Variants in DRC1 observed in about 807,000 individuals in gnomAD.
DRC1 encodes dynein regulatory complex subunit 1.
A neutral mutation model predicts 98.7 loss-of-function variants in DRC1; 74 were observed. That is an observed-to-expected ratio of 0.75 (90% CI 0.62 to 0.91). The LOEUF (loss-of-function observed/expected upper bound fraction) is 0.91, where lower values mean the gene tolerates loss of function less well. Ranked by LOEUF, DRC1 falls within the 40% of genes least tolerant of loss-of-function variation. DRC1 has a pLI of 0.00. For synonymous variants in DRC1, 336 were observed against 334.1 expected (o/e 1.01, Z -0.06); for missense variants, 875 against 886.0 (o/e 0.99, Z 0.16).
At chr2:26,408,397 G>A (rs1678490678) in intron 1 of DRC1, among the ~76,000 whole-genome samples, 1 of 152,120 alleles carries the variant, frequency 6.6e-6, no homozygotes, top group African/African-American at 2.4e-5. Flanking sequence ...TGGAATGGTG[G>A]CACTTCAGCC....
chr2:26,448,577 C>G, intron 10 of DRC1, 114 bp from the exon 11 acceptor site: 1 of 1,091,280 alleles, frequency 9.2e-7, no homozygotes. Flanking sequence ...CTCACAGAGG[C>G]TTTTTAAGAG....
intron 7 of DRC1, among the ~76,000 whole-genome samples, chr2:26,436,549 G>A (rs1215339450): frequency 6.6e-6 from 1 of 152,158 alleles, no homozygotes; most frequent in African/African-American, 2.4e-5. Context: ...CTGGCCTCAA[G>A]CAATCCTCCC....
At chr2:26,407,421 T>A (rs1420339522) in intron 1 of DRC1, among the ~76,000 whole-genome samples, 2 of 152,144 alleles carry the variant, frequency 1.3e-5, no homozygotes. Flanking sequence ...ACTGATGGCA[T>A]ATCATATTCA....
At chr2:26,455,107 T>A in intron 15 of DRC1, 24 bp from the exon 16 acceptor site, 1 of 1,613,222 alleles carries the variant, frequency 6.2e-7, no homozygotes, top group Non-Finnish European at 8.5e-7. Context: ...TCAGTGAGCC[T>A]CTAACCGATT....
At chr2:26,447,084 T>C (rs1191051620) in intron 10 of DRC1, among the ~76,000 whole-genome samples, 2 of 149,512 alleles carry the variant, frequency 1.3e-5, no homozygotes, top group Non-Finnish European at 3.0e-5. Flanking sequence ...AGTGAGCCTC[T>C]TTCTCAAAAA....
Position 26,402,083 on chromosome 2 carries a change from T to C in DRC1, c.94T>C (p.Ser32Pro), listed in dbSNP as rs751788344. The change falls in exon 1 of 17, where the codon TCT becomes CCT. Residue 32 changes from serine (S) to proline (P), a missense_variant. Coordinates refer to ENST00000288710, the MANE Select transcript of DRC1 (RefSeq NM_145038.5). ...CGCGCCCTCGGTCCACTCCGACAACTCTCAGGAGCGCATCCAGGCCCGGCG... is the reference window on the plus strand; with the variant it reads ...CGCGCCCTCGGTCCACTCCGACAACCCTCAGGAGCGCATCCAGGCCCGGCG... ...ILAPSVHSDN[S>P]QERIQARRLR... 2 of 1,612,932 alleles carry C rather than the reference T, an allele frequency of 1.2e-6. No homozygotes were observed. The highest frequency in any genetic ancestry group is 2.2e-5 in the East Asian group (1 of 44,794).
At chr2:26,416,998 G>A (rs1273138192) in intron 2 of DRC1, among the ~76,000 whole-genome samples, 6 of 152,144 alleles carry the variant, frequency 3.9e-5, no homozygotes, top group African/African-American at 1.4e-4. Flanking sequence ...AGAGTGCAAG[G>A]AGGTGCCACA....
In DRC1 at chr2:26,448,712, C is replaced by T. The variant is rs199574440; in HGVS notation, c.1418C>T (p.Ala473Val). Residue 473 changes from alanine (A) to valine (V), a missense_variant, in exon 11 of 17, where the codon GCC becomes GTC. Physicochemically the swap from Ala to Val is moderately conservative, Grantham distance 64. Transcript: ENST00000288710. ...GCAGAAGAGGAGGAGGCAGAAGAGG[C>T]CGCCGCGGAACCAGAGTCCTACCTG... is the stretch of plus-strand genomic sequence containing the variant. ...MRSEEEEAEE[A>V]AAEPESYLDL... is the part of the protein sequence containing the mutation. 2.4e-4 allele frequency: 383 copies of T among 1,614,200 alleles called. 2 individuals are homozygous for T. In the Middle Eastern group the frequency reaches 8.4e-3, roughly 36 times the overall value.
intron 6 of DRC1, among the ~76,000 whole-genome samples, chr2:26,431,131 T>C (rs1663426217): frequency 6.6e-6 from 1 of 152,152 alleles, no homozygotes; most frequent in African/African-American, 2.4e-5. Flanking sequence ...AATTTCTGTA[T>C]TTTTAGTAGA....
intron 1 of DRC1, among the ~76,000 whole-genome samples, chr2:26,410,432 C>G (rs559651333): frequency 1.3e-5 from 2 of 151,788 alleles, no homozygotes; most frequent in African/African-American, 2.4e-5. Context: ...CCACTATGCC[C>G]GGCTAATTTT....
intron 11 of DRC1, 111 bp downstream of exon 11, chr2:26,448,914 G>C: frequency 9.0e-7 from 1 of 1,113,686 alleles, no homozygotes; most frequent in Non-Finnish European, 1.3e-6. Flanking sequence ...TCCTCCCCTG[G>C]CCAAGCCCAG....
chr2:26,418,184 C>T (rs958123360), intron 2 of DRC1, among the ~76,000 whole-genome samples: 1 of 152,048 alleles, frequency 6.6e-6, no homozygotes, highest in Non-Finnish European at 1.5e-5. Context: ...AATTCCCCGT[C>T]CAAATGACTT....
In DRC1 at chr2:26,434,856, A is replaced by G. The variant is rs1342453798; in HGVS notation, c.888+2850A>G. Among the ~76,000 whole-genome samples, 3 of 149,662 alleles carry G rather than the reference A, an allele frequency of 2.0e-5. No homozygotes were observed. The South Asian group carries it at 6.3e-4, about 32-fold the overall frequency. On this transcript the variant is annotated intron_variant, in intron 7 of 16. Transcript: ENST00000288710. ...CAGTCAGCCGAGATTTCACCACTGC[A>G]CTCCAGCCTGGGTGACAGAGCGAGA...
intron 1 of DRC1, among the ~76,000 whole-genome samples, chr2:26,411,092 G>A (rs751558532): frequency 5.3e-5 from 8 of 152,164 alleles, no homozygotes; most frequent in Admixed American, 1.3e-4. Flanking sequence ...AACATGGGGC[G>A]GTGGTGAGGA....
At chr2:26,411,195 C>T (rs1009056944) in intron 1 of DRC1, among the ~76,000 whole-genome samples, 2 of 152,200 alleles carry the variant, frequency 1.3e-5, no homozygotes, top group African/African-American at 4.8e-5. Flanking sequence ...GGAGAACATA[C>T]TAGTTCTACA....
chr2:26,419,295 AG>A (rs1330825366), intron 2 of DRC1, among the ~76,000 whole-genome samples: 1 of 152,178 alleles, frequency 6.6e-6, no homozygotes, highest in African/African-American at 2.4e-5. Context: ...CATAAAGGTG[AG>A]GGGCATTTTG....
Position 26,454,552 on chromosome 2 carries a change from G to A in DRC1, c.1920-95G>A. On this transcript the variant is annotated intron_variant, in intron 14 of 16. Coordinates refer to ENST00000288710, the MANE Select transcript of DRC1 (RefSeq NM_145038.5). The surrounding 1 kb of genome is among the most constrained non-coding windows in gnomAD (Gnocchi z 5.2). ...AACTTGGACTGCTGAGTGGGAAGGT[G>A]ACAGGTGGGAAAGCAGTAGGCCTGT... The A allele has an allele frequency of 6.5e-7, 1 of 1,537,072 alleles. No homozygotes were observed. The highest frequency in any genetic ancestry group is 8.8e-7 in the Non-Finnish European group (1 of 1,133,188).
chr2:26,412,050 A>G (rs1233790433), intron 1 of DRC1, among the ~76,000 whole-genome samples: 1 of 152,208 alleles, frequency 6.6e-6, no homozygotes, highest in Non-Finnish European at 1.5e-5. Context: ...TAAGAAAACA[A>G]AGAGCATGTT....
At chr2:26,448,597 C>G in intron 10 of DRC1, 94 bp from the exon 11 acceptor site, 1 of 1,289,654 alleles carries the variant, frequency 7.8e-7, no homozygotes, top group Non-Finnish European at 1.1e-6. Flanking sequence ...GGTACATTTT[C>G]TCAAGGAAAG....
Sources: allele counts gnomAD v4.1 joint callset (sites outside exome capture counted in the v4.1 genomes callset), GRCh38; gene constraint gnomAD v4.1.1; non-coding constraint Gnocchi (gnomAD v3.1); transcripts MANE v1.5; gene names NCBI Gene and HGNC (gene_info 2026-07-23, HGNC 2026-07-21).